Variants in VPS13A observed in about 807,000 individuals in gnomAD.
VPS13A encodes intermembrane lipid transfer protein VPS13A.
A neutral mutation model predicts 390.9 loss-of-function variants in VPS13A; 264 were observed. The observed-to-expected ratio is 0.68, with a 90% CI of 0.61 to 0.75. The LOEUF (loss-of-function observed/expected upper bound fraction) is 0.75, where lower values mean the gene tolerates loss of function less well. VPS13A is among the 30% of genes least tolerant of loss of function. The pLI, the probability that VPS13A is intolerant of heterozygous loss-of-function variation, is 0.00. For missense variants in VPS13A, 3,409 were observed against 3,733.9 expected (o/e 0.91, Z 2.27); for synonymous variants, 1,231 against 1,227.1 (o/e 1.00, Z -0.07).
chr9:77,303,173 A>G (rs1828482369), intron 34 of VPS13A, 111 bp downstream of exon 34: 2 of 1,138,204 alleles, frequency 1.8e-6, no homozygotes, highest in African/African-American at 1.5e-5. Flanking sequence ...CACCTTGGTC[A>G]GAATTGAAAT....
At chr9:77,302,856 T>C (rs1828462717) in intron 33 of VPS13A, 59 bp from the exon 34 acceptor site, 1 of 1,536,028 alleles carries the variant, frequency 6.5e-7, no homozygotes, top group South Asian at 1.2e-5. Context: ...AAGTTAATCT[T>C]TTTTTAACTA....
rs184665300 is a variant in VPS13A, at chr9:77,282,538, A to T, written c.3118+264A>T. ...TATAGTAGGAGTATTAGATTAAAAAATTTTTTTTCTTCCACCTCCCAGTAG... is the reference window on the plus strand; with the variant it reads ...TATAGTAGGAGTATTAGATTAAAAATTTTTTTTTCTTCCACCTCCCAGTAG... On this transcript the variant is annotated intron_variant, in intron 29 of 71. Transcript: ENST00000360280. 9.6e-3 allele frequency among the ~76,000 whole-genome samples: 1,462 copies of T among 152,110 alleles called. 12 individuals are homozygous for T. Among genetic ancestry groups the T allele is most frequent in the Non-Finnish European group, 0.016 (1,088 of 67,976 alleles).
At chr9:77,414,739 TTAA>T (rs148536381) in intron 71 of VPS13A, among the ~76,000 whole-genome samples, 21,942 of 145,598 alleles carry the variant, frequency 0.15, 1,842 homozygotes, top group East Asian at 0.25. Context: ...TGAAGTATAA[TTAA>T]TAATAATAAT....
chr9:77,226,039 T>C (rs1823486288), intron 14 of VPS13A, 51 bp downstream of exon 14: 1 of 1,494,188 alleles, frequency 6.7e-7, no homozygotes, highest in Non-Finnish European at 9.3e-7. Flanking sequence ...TCCATATAGA[T>C]ATGACAGATG....
intron 68 of VPS13A, among the ~76,000 whole-genome samples, chr9:77,401,012 A>G (rs1464338831): frequency 1.3e-5 from 2 of 152,082 alleles, no homozygotes; most frequent in Non-Finnish European, 2.9e-5. Context: ...ACTAATTTGA[A>G]GTGCTGTCTT....
In VPS13A at chr9:77,374,967, T is replaced by A. The variant is rs76664085; in HGVS notation, c.9077+3818T>A. Among the ~76,000 whole-genome samples, 10 of 152,246 alleles carry A rather than the reference T, an allele frequency of 6.6e-5. No individual in the cohort carries two copies. In the East Asian group the frequency reaches 1.9e-3, roughly 29 times the overall value. On this transcript the variant is annotated intron_variant, in intron 67 of 71. Transcript: ENST00000360280. ...TCTTAAGCCAGTATTTCATACTGGT[T>A]ACCATAATTGGGTGTTTCTGGTTTC... is the stretch of plus-strand genomic sequence containing the variant.
intron 34 of VPS13A, among the ~76,000 whole-genome samples, chr9:77,306,903 G>A (rs893740229): frequency 5.3e-5 from 8 of 150,526 alleles, no homozygotes; most frequent in African/African-American, 2.0e-4. Flanking sequence ...TTTGAAATTG[G>A]CTCTTTATTT....
rs147855458 is a variant in VPS13A at position 77,340,532 on chromosome 9, C to G, written c.7008C>G (p.Leu2336=). ...CTGAAGAAGGAAATGATAAATGGCT[C>G]TCTCTTGATTTGGAGCAGGTGGGTA... ...SVAEEGNDKW[L]SLDLEQCIPF... is the part of the protein sequence containing the mutation. Residue 2336 remains leucine, a synonymous_variant, in exon 50 of 72, where the codon CTC becomes CTG. Coordinates refer to ENST00000360280, the MANE Select transcript of VPS13A (RefSeq NM_033305.3). 2 of 1,612,628 alleles carry G rather than the reference C, an allele frequency of 1.2e-6. No individual in the cohort carries two copies. The highest frequency in any genetic ancestry group is 1.3e-5 in the African/African-American group (1 of 74,964).
At chr9:77,301,282 C>G (rs1422583435) in intron 33 of VPS13A, among the ~76,000 whole-genome samples, 2 of 152,000 alleles carry the variant, frequency 1.3e-5, no homozygotes, top group African/African-American at 4.8e-5. Flanking sequence ...AATTAAAATA[C>G]TAGTATAGCC....
intron 68 of VPS13A, among the ~76,000 whole-genome samples, chr9:77,396,544 G>A (rs533941556): frequency 6.6e-6 from 1 of 152,264 alleles, no homozygotes; most frequent in African/African-American, 2.4e-5. Context: ...TCAAGAATAT[G>A]AAATCATTAA....
chr9:77,356,886 G>T lies in VPS13A; in HGVS notation c.7806+19G>T. The T allele has an allele frequency of 6.2e-7, 1 of 1,612,772 alleles. No individual in the cohort carries two copies. The highest frequency in any genetic ancestry group is 1.1e-5 in the South Asian group (1 of 90,860). ...TGTTCCGGTAATATTTTTAAGTACT[G>T]ATGTGAAGTTTTAATTTTTTGCCTG... is the stretch of plus-strand genomic sequence containing the variant. On this transcript the variant is annotated intron_variant, in intron 55 of 71. Coordinates refer to ENST00000360280, the MANE Select transcript of VPS13A (RefSeq NM_033305.3).
At position 77,247,357 on chromosome 9, in the gene VPS13A, A is replaced by C. The variant is rs148227344; in HGVS notation, c.1999A>C (p.Thr667Pro). Residue 667 changes from threonine to proline, a missense_variant, in exon 20 of 72, where the codon ACA becomes CCA. Coordinates refer to ENST00000360280, the MANE Select transcript of VPS13A (RefSeq NM_033305.3). ...CCCACAAGATGGAATTTTTAGTCCT[A>C]CATCAAATCTGCTTCTTTTGGACCT... ...IVPQDGIFSP[T>P]SNLLLLDLGH... 52 of 1,612,506 alleles carry C rather than the reference A, an allele frequency of 3.2e-5. No homozygotes were observed. Among genetic ancestry groups the C allele is most frequent in the Non-Finnish European group, 4.2e-5 (49 of 1,179,340 alleles).
chr9:77,413,373 G>C (rs1381957245), intron 71 of VPS13A, among the ~76,000 whole-genome samples: 1 of 152,068 alleles, frequency 6.6e-6, no homozygotes, highest in Non-Finnish European at 1.5e-5. Flanking sequence ...AAACAGCATG[G>C]TACTGGTACC....
intron 54 of VPS13A, 67 bp from the exon 55 acceptor site, chr9:77,356,647 T>C: frequency 1.3e-6 from 2 of 1,502,468 alleles, no homozygotes; most frequent in South Asian, 2.4e-5. Flanking sequence ...ATTCATGTAA[T>C]AAACCAGTTA....
At chr9:77,414,739 T>TAATAA in intron 71 of VPS13A, among the ~76,000 whole-genome samples, 1 of 145,696 alleles carries the variant, frequency 6.9e-6, no homozygotes, top group South Asian at 2.2e-4. Context: ...TGAAGTATAA[T>TAATAA]TAATAATAAT....
At chr9:77,394,605 C>A (rs537723554) in intron 68 of VPS13A, among the ~76,000 whole-genome samples, 4 of 152,210 alleles carry the variant, frequency 2.6e-5, no homozygotes, top group Admixed American at 6.5e-5. Context: ...TCTTTTGAAG[C>A]TTTAAAGCCA....
intron 17 of VPS13A, among the ~76,000 whole-genome samples, chr9:77,229,356 CA>C (rs1238734984): frequency 6.6e-6 from 1 of 152,200 alleles, no homozygotes; most frequent in East Asian, 1.9e-4. Flanking sequence ...GCTGGAATTA[CA>C]GGTGTGAGCC....
At chr9:77,300,162 ATTATT>A (rs1195407845) in intron 33 of VPS13A, among the ~76,000 whole-genome samples, 1 of 152,132 alleles carries the variant, frequency 6.6e-6, no homozygotes, top group African/African-American at 2.4e-5. Flanking sequence ...TTTTCATGTC[ATTATT>A]TTGAGTGCAT....
At chr9:77,212,773 C>T (rs531261492) in intron 7 of VPS13A, among the ~76,000 whole-genome samples, 196 bp from the exon 8 acceptor site, 2 of 152,270 alleles carry the variant, frequency 1.3e-5, no homozygotes, top group South Asian at 4.1e-4. Context: ...GTTTGCTTTT[C>T]TGACCCGCAA....
Sources: allele counts gnomAD v4.1 joint callset (sites outside exome capture counted in the v4.1 genomes callset), GRCh38; gene constraint gnomAD v4.1.1; transcripts MANE v1.5; gene names NCBI Gene and HGNC (gene_info 2026-07-23, HGNC 2026-07-21).